Variants in UTRN observed in about 807,000 individuals in gnomAD.
UTRN encodes the protein utrophin.
A neutral mutation model predicts 463.9 loss-of-function variants in UTRN; 283 were observed. That is an observed-to-expected ratio of 0.61 (90% CI 0.55 to 0.67). The LOEUF is 0.67. Ranked by LOEUF, UTRN falls within the 30% of genes least tolerant of loss-of-function variation. The pLI is 0.00. For synonymous variants in UTRN, 1,442 were observed against 1,431.5 expected, an observed-to-expected ratio of 1.01 and a Z score of -0.17; for missense variants, 3,922 against 4,084.3, an observed-to-expected ratio of 0.96 and a Z score of 1.08.
At position 144,625,290 on chromosome 6, in the gene UTRN, T is replaced by A. The variant is rs1775833557; in HGVS notation, c.7479+48002T>A. Among the ~76,000 whole-genome samples, 3 of 152,194 alleles carry A rather than the reference T, an allele frequency of 2.0e-5. No individual in the cohort carries two copies. In the East Asian group the frequency reaches 5.8e-4, roughly 29 times the overall value. The stretch of plus-strand genomic sequence containing the variant: ...CTTGTTAAAATAACTGTCTTTTGCC[T>A]TCATCAATATTTTAGATACCCTTAC... On this transcript the variant is annotated intron_variant, in intron 51 of 74. Coordinates refer to ENST00000367545, the MANE Select transcript of UTRN (RefSeq NM_007124.3).
chr6:144,837,691 A>G (rs1183014708), intron 71 of UTRN, among the ~76,000 whole-genome samples: 3 of 152,236 alleles, frequency 2.0e-5, no homozygotes, highest in African/African-American at 7.2e-5. Flanking sequence ...GCCTTTTCAC[A>G]GTTGCTCTCA....
intron 30 of UTRN, 49 bp downstream of exon 30, chr6:144,488,883 A>G (rs1196070652): frequency 3.4e-6 from 5 of 1,489,010 alleles, no homozygotes; most frequent in East Asian, 2.4e-5. Flanking sequence ...GAGCTTTTGT[A>G]ATTGCCTCCT....
intron 2 of UTRN, among the ~76,000 whole-genome samples, chr6:144,362,512 T>C (rs759036570): frequency 2.6e-5 from 4 of 152,122 alleles, no homozygotes; most frequent in Non-Finnish European, 5.9e-5. Context: ...TGACCCAGAG[T>C]GAGTGCTGGC....
In UTRN at chr6:144,851,486, T is replaced by C. The variant is rs775270285; in HGVS notation, c.*489T>C. 26 of 157,872 alleles carry C rather than the reference T, an allele frequency of 1.6e-4. No individual in the cohort carries two copies. Among genetic ancestry groups the C allele is most frequent in the Middle Eastern group, 3.3e-3 (1 of 304 alleles). The allele number at this position is 157,872 out of a possible 1,614,324, so 9.8% of individuals were successfully genotyped here. A position where few individuals can be genotyped will look rare whatever the true frequency, so the allele number is the denominator to read the frequency against. On this transcript the variant is annotated 3_prime_UTR_variant, in exon 75 of 75. Transcript: ENST00000367545. Reference sequence around the variant, plus strand: ...CACAATGTTTTGGTTATTTATAATTTATCAGCCATATGTTTATCAGCCATA... The same window carrying C: ...CACAATGTTTTGGTTATTTATAATTCATCAGCCATATGTTTATCAGCCATA...
At chr6:144,503,716 C>G (rs1026946730) in intron 34 of UTRN, among the ~76,000 whole-genome samples, 3 of 152,092 alleles carry the variant, frequency 2.0e-5, no homozygotes, top group Admixed American at 2.0e-4. Flanking sequence ...TTAGGATTTT[C>G]TTGGCTATAT....
chr6:144,598,677 A>G (rs374981015), intron 51 of UTRN, among the ~76,000 whole-genome samples: 2 of 152,144 alleles, frequency 1.3e-5, no homozygotes, highest in African/African-American at 4.8e-5. Context: ...AGGGCCTGCT[A>G]TCTGTCATGT....
At chr6:144,388,481 A>G (rs925541740) in intron 2 of UTRN, among the ~76,000 whole-genome samples, 18 of 143,886 alleles carry the variant, frequency 1.3e-4, no homozygotes, top group Non-Finnish European at 2.1e-4. Context: ...CCTGGCTAAT[A>G]TTATTTATTT....
chr6:144,802,976 C>A (rs1777834703), intron 64 of UTRN, 60 bp from the exon 65 acceptor site: 2 of 1,205,798 alleles, frequency 1.7e-6, no homozygotes, highest in South Asian at 2.5e-5. Context: ...AATTTCTTAC[C>A]ACAAATTTAG....
At chr6:144,473,857 C>A in intron 24 of UTRN, 24 bp downstream of exon 24, 1 of 1,544,348 alleles carries the variant, frequency 6.5e-7, no homozygotes, top group South Asian at 1.1e-5. Context: ...ATCTGGGGAA[C>A]TTGTCATAAA....
intron 2 of UTRN, among the ~76,000 whole-genome samples, chr6:144,362,818 G>A (rs942165065): frequency 1.3e-5 from 2 of 152,182 alleles, no homozygotes; most frequent in Non-Finnish European, 2.9e-5. Flanking sequence ...TGACCTATGA[G>A]GCTGATGAGT....
intron 7 of UTRN, among the ~76,000 whole-genome samples, chr6:144,427,952 C>A (rs956165712): frequency 3.9e-5 from 6 of 151,986 alleles, no homozygotes; most frequent in African/African-American, 1.5e-4. Context: ...ATACATCAGA[C>A]AAGAGCAGAG....
In UTRN at chr6:144,522,059, T is replaced by C. The variant is rs1796153675; in HGVS notation, c.5621T>C (p.Val1874Ala). The C allele has an allele frequency of 4.4e-6, 7 of 1,598,010 alleles. No individual in the cohort carries two copies. Among genetic ancestry groups the C allele is most frequent in the Non-Finnish European group, 5.1e-6 (6 of 1,173,364 alleles). ...RSSLLPTDYL[V>A]EINKILLCMD... ...TCACTTCTTCCTACAGATTATCTGG[T>C]TGAAATTAACAAAATTTTACTTTGC... Residue 1874 changes from valine (V) to alanine (A), a missense_variant, in exon 40 of 75, where the codon GTT (valine) becomes GCT (alanine). This residue lies in a region of UTRN where 2,349 missense variants were observed against 2,303.8 expected (regional missense o/e 1.02). Transcript: ENST00000367545.
chr6:144,443,464 C>G (rs1177579243), intron 13 of UTRN, among the ~76,000 whole-genome samples: 1 of 152,150 alleles, frequency 6.6e-6, no homozygotes, highest in Non-Finnish European at 1.5e-5. Flanking sequence ...TTTTCTCCCC[C>G]TTTGTACTAT....
rs756336507 is a variant in UTRN at position 144,678,501 on chromosome 6, G to A, written c.7575G>A (p.Glu2525=). Residue 2525 remains glutamate, a synonymous_variant, in exon 52 of 75, where the codon GAG becomes GAA. Transcript: ENST00000367545. ...TAAAAGCTTTGGGAAATTCTGAAGA[G>A]GCTACTATGCTTCAACATCGACTGG... ...KMVKALGNSE[E]ATMLQHRLDD... is the part of the protein sequence containing the mutation. 5.0e-6 allele frequency: 8 copies of A among 1,613,246 alleles called. No individual in the cohort carries two copies. The East Asian group carries it at 1.8e-4, about 36-fold the overall frequency.
intron 28 of UTRN, among the ~76,000 whole-genome samples, chr6:144,486,876 C>T (rs1792505756): frequency 6.6e-6 from 1 of 152,132 alleles, no homozygotes; most frequent in Non-Finnish European, 1.5e-5. Flanking sequence ...CTTCTTTTGA[C>T]TGTGTGTATG....
intron 54 of UTRN, among the ~76,000 whole-genome samples, chr6:144,738,886 A>G (rs1338329201): frequency 6.6e-6 from 1 of 152,204 alleles, no homozygotes; most frequent in East Asian, 1.9e-4. Context: ...ATATTTTATT[A>G]ATAATCATAG....
chr6:144,350,114 TG>T (rs1777983939), intron 2 of UTRN, among the ~76,000 whole-genome samples: 1 of 152,194 alleles, frequency 6.6e-6, no homozygotes, highest in African/African-American at 2.4e-5. Context: ...GATTGTGAGC[TG>T]GGCAGGAATT....
At chr6:144,643,810 T>A (rs1008554129) in intron 51 of UTRN, among the ~76,000 whole-genome samples, 20 of 151,222 alleles carry the variant, frequency 1.3e-4, no homozygotes, top group Non-Finnish European at 3.0e-5. Context: ...AAAAAAAAAA[T>A]TTGTTAATTT....
At chr6:144,711,462 G>T (rs915235537) in intron 53 of UTRN, among the ~76,000 whole-genome samples, 4 of 152,300 alleles carry the variant, frequency 2.6e-5, no homozygotes, top group African/African-American at 7.2e-5. Flanking sequence ...TCACTTATAT[G>T]CAACTTCCCT....
Sources: gnomAD v4.1 joint callset for allele counts (sites outside exome capture counted in the v4.1 genomes callset) on GRCh38, gnomAD v4.1.1 for gene constraint, gnomAD v4.1.1 regional missense constraint, MANE v1.5 for transcripts, NCBI Gene and HGNC (gene_info 2026-07-23, HGNC 2026-07-21) for gene names.